Variants in DLG2 observed in about 807,000 individuals in gnomAD.
DLG2 encodes the protein discs large MAGUK scaffold protein 2.
DLG2 carries 45 observed loss-of-function variants against 132.5 expected under a neutral mutation model. The observed-to-expected ratio is 0.34, with a 90% confidence interval of 0.27 to 0.44. The LOEUF is 0.44. Ranked by LOEUF, DLG2 falls within the 20% of genes least tolerant of loss-of-function variation. The probability of loss-of-function intolerance (pLI) is 1.00; values close to 1 mark genes in which losing one functional copy is unlikely to be tolerated. For missense variants in DLG2, 1,045 were observed against 1,196.9 expected (o/e 0.87, Z 1.87); for synonymous variants, 424 against 419.6 (o/e 1.01, Z -0.13).
At chr11:84,849,678 C>T (rs1348734755) in intron 6 of DLG2, among the ~76,000 whole-genome samples, 2 of 152,026 alleles carry the variant, frequency 1.3e-5, no homozygotes, top group African/African-American at 4.8e-5. Flanking sequence ...GTCTTTCTTA[C>T]CTATGTTTTC....
chr11:84,501,030 C>T (rs190392490), intron 7 of DLG2, among the ~76,000 whole-genome samples: 2 of 152,286 alleles, frequency 1.3e-5, no homozygotes, highest in Non-Finnish European at 2.9e-5. Context: ...GACAAGTGCA[C>T]ATACCCCATC....
intron 4 of DLG2, among the ~76,000 whole-genome samples, chr11:85,160,182 T>C (rs1015902771): frequency 1.3e-5 from 2 of 152,148 alleles, no homozygotes; most frequent in Admixed American, 6.5e-5. Context: ...CATTCCTCAT[T>C]TAGGTGCGTT....
intron 3 of DLG2, among the ~76,000 whole-genome samples, chr11:85,490,987 C>A (rs772227047): frequency 5.3e-5 from 8 of 152,024 alleles, no homozygotes; most frequent in Non-Finnish European, 8.8e-5. Flanking sequence ...AACTATAGAC[C>A]AATATCCCTG....
At chr11:83,871,476 T>C in intron 16 of DLG2, among the ~76,000 whole-genome samples, 1 of 152,192 alleles carries the variant, frequency 6.6e-6, no homozygotes, top group Non-Finnish European at 1.5e-5. Flanking sequence ...AAAAATATCC[T>C]ATGTAGTTGC....
intron 5 of DLG2, among the ~76,000 whole-genome samples, chr11:85,146,508 G>T (rs542968496): frequency 3.3e-5 from 5 of 152,216 alleles, no homozygotes; most frequent in African/African-American, 9.6e-5. Context: ...CTAGCCAAGG[G>T]TAGGTCTAGA....
intron 6 of DLG2, chr11:84,763,229 G>A (rs2067900160): frequency 6.6e-6 from 1 of 152,106 alleles, no homozygotes; most frequent in Non-Finnish European, 1.5e-5. Flanking sequence ...ATTAATAGTT[G>A]GTTTACATGA....
At chr11:84,569,200 C>A (rs1196752578) in intron 6 of DLG2, among the ~76,000 whole-genome samples, 1 of 152,166 alleles carries the variant, frequency 6.6e-6, no homozygotes, top group Non-Finnish European at 1.5e-5. Context: ...GGGGTAATCA[C>A]CAGCTGGTCC....
intron 3 of DLG2, among the ~76,000 whole-genome samples, chr11:85,577,323 G>T (rs1432411310): frequency 6.6e-6 from 1 of 152,074 alleles, no homozygotes; most frequent in Non-Finnish European, 1.5e-5. Context: ...AGTAAGAAAT[G>T]GTAGGATTCC....
At chr11:83,554,390 T>A (rs17145508) in intron 19 of DLG2, among the ~76,000 whole-genome samples, 2,916 of 152,328 alleles carry the variant, frequency 0.019, 97 homozygotes, top group African/African-American at 0.066. Flanking sequence ...TCTTAAATTC[T>A]GTTTCCTACT....
intron 3 of DLG2, among the ~76,000 whole-genome samples, chr11:85,403,489 TA>T (rs1033036308): frequency 2.6e-5 from 4 of 150,966 alleles, no homozygotes; most frequent in South Asian, 2.1e-4. Context: ...TAAAGTATAA[TA>T]AAAAAAATTA....
intron 6 of DLG2, among the ~76,000 whole-genome samples, chr11:85,041,971 T>C (rs1164064130): frequency 6.6e-6 from 1 of 151,748 alleles, no homozygotes; most frequent in Non-Finnish European, 1.5e-5. Context: ...AAATTACCTA[T>C]TGGGTACAAC....
At chr11:83,863,178 C>A (rs530509880) in intron 16 of DLG2, among the ~76,000 whole-genome samples, 1 of 152,284 alleles carries the variant, frequency 6.6e-6, no homozygotes, top group African/African-American at 2.4e-5. Context: ...TTTGAGCTAG[C>A]ACATAATGTG....
chr11:83,865,020 T>C (rs1341117754), intron 16 of DLG2, among the ~76,000 whole-genome samples: 1 of 152,138 alleles, frequency 6.6e-6, no homozygotes, highest in Non-Finnish European at 1.5e-5. Context: ...GTCAAATTTA[T>C]TGTCCCGCAA....
At chr11:85,536,480 G>A (rs190539505) in intron 3 of DLG2, among the ~76,000 whole-genome samples, 2 of 152,170 alleles carry the variant, frequency 1.3e-5, no homozygotes, top group Admixed American at 6.5e-5. Context: ...GCCCTCACTC[G>A]CTCTTGGGGC....
intron 6 of DLG2, among the ~76,000 whole-genome samples, chr11:84,660,717 TCAG>T (rs780546194): frequency 3.3e-5 from 5 of 152,186 alleles, no homozygotes; most frequent in African/African-American, 9.7e-5. Context: ...AGCCATTTCA[TCAG>T]CAGTGTTGAA....
intron 22 of DLG2, among the ~76,000 whole-genome samples, chr11:83,478,631 C>G (rs776876115): frequency 6.6e-6 from 1 of 151,968 alleles, no homozygotes; most frequent in African/African-American, 2.4e-5. Context: ...CTTTAAAATA[C>G]TCTATAAAAA....
intron 7 of DLG2, among the ~76,000 whole-genome samples, chr11:84,412,128 T>C (rs1160375015): frequency 1.3e-5 from 2 of 151,932 alleles, no homozygotes; most frequent in African/African-American, 4.8e-5. Flanking sequence ...ATACTGATAA[T>C]GGCAATAGTG....
chr11:85,586,814 T>A (rs2079003092), intron 3 of DLG2, among the ~76,000 whole-genome samples: 1 of 152,200 alleles, frequency 6.6e-6, no homozygotes, highest in Non-Finnish European at 1.5e-5. Context: ...TCTTTCAGAC[T>A]TTTTGATGTA....
intron 3 of DLG2, among the ~76,000 whole-genome samples, chr11:85,367,087 C>G (rs1187591653): frequency 6.6e-6 from 1 of 152,108 alleles, no homozygotes; most frequent in Non-Finnish European, 1.5e-5. Flanking sequence ...GTTAACAATT[C>G]CATGAAGTAT....
Sources: gnomAD v4.1 joint callset for allele counts (sites outside exome capture counted in the v4.1 genomes callset) on GRCh38, gnomAD v4.1.1 for gene constraint, MANE v1.5 for transcripts, NCBI Gene and HGNC (gene_info 2026-07-23, HGNC 2026-07-21) for gene names.